Variants in PCDHGB2 observed in about 807,000 individuals in gnomAD.
PCDHGB2 encodes the protein protocadherin gamma-B2.
Under a neutral mutation model 59.3 loss-of-function variants are expected in PCDHGB2, and 55 were observed. The observed-to-expected ratio is 0.93, with a 90% confidence interval of 0.75 to 1.16. PCDHGB2 has a LOEUF of 1.16. Among genes scored for constraint, PCDHGB2 ranks in the 50% most tolerant of loss-of-function variants. The pLI is 0.00. For missense variants in PCDHGB2, 1,228 were observed against 1,198.5 expected (o/e 1.02, Z -0.36); for synonymous variants, 516 against 512.0 (o/e 1.01, Z -0.11).
At chr5:141,395,224 C>G (rs1442627118) in intron 1 of PCDHGB2, 1 of 1,610,586 alleles carries the variant, frequency 6.2e-7, no homozygotes, top group Admixed American at 1.7e-5. Context: ...AAGAATGAAG[C>G]TGATCATGGT....
chr5:141,419,354 C>G (rs1444462815), intron 1 of PCDHGB2: 1 of 1,613,828 alleles, frequency 6.2e-7, no homozygotes, highest in Admixed American at 1.7e-5. Flanking sequence ...CCTGGAGTCA[C>G]GAACGCTGTC....
At chr5:141,389,988 C>T (rs1348283803) in intron 1 of PCDHGB2, 7 of 1,613,918 alleles carry the variant, frequency 4.3e-6, no homozygotes, top group Non-Finnish European at 5.9e-6. Context: ...AGTGCTCTTC[C>T]TCGTGGCCAT....
chr5:141,404,350 C>T (rs757103755), intron 1 of PCDHGB2: 1 of 1,613,894 alleles, frequency 6.2e-7, no homozygotes, highest in Non-Finnish European at 8.5e-7. Flanking sequence ...AAAACAACGC[C>T]AGAGGTACTT....
At chr5:141,499,779 C>T (rs1450026011) in intron 2 of PCDHGB2, among the ~76,000 whole-genome samples, 3 of 151,452 alleles carry the variant, frequency 2.0e-5, no homozygotes, top group Non-Finnish European at 4.4e-5. Flanking sequence ...CTTCGCCTCC[C>T]GGGTTCAAGC....
chr5:141,510,633 TACCA>T (rs2099882032), intron 3 of PCDHGB2, among the ~76,000 whole-genome samples: 1 of 152,110 alleles, frequency 6.6e-6, no homozygotes, highest in Admixed American at 6.6e-5. Flanking sequence ...AAGAGGTGGT[TACCA>T]TTATCATCCC....
chr5:141,399,546 G>T, intron 1 of PCDHGB2: 1 of 1,614,032 alleles, frequency 6.2e-7, no homozygotes. Flanking sequence ...TCTGCGCCTC[G>T]GACCTGGACT....
chr5:141,381,798 C>CTCTTTCTT (rs372235829), intron 1 of PCDHGB2, among the ~76,000 whole-genome samples: 5 of 144,132 alleles, frequency 3.5e-5, no homozygotes, highest in African/African-American at 8.0e-5. Context: ...AGGCAATTCC[C>CTCTTTCTT]TCTTTCTTTC....
intron 1 of PCDHGB2, chr5:141,374,501 G>T (rs746410507): frequency 8.1e-6 from 13 of 1,611,510 alleles, no homozygotes; most frequent in Non-Finnish European, 1.0e-5. Context: ...AGAATTGGAA[G>T]TGAAAATTCT....
intron 1 of PCDHGB2, among the ~76,000 whole-genome samples, chr5:141,386,310 A>G (rs891781671): frequency 6.6e-6 from 1 of 152,216 alleles, no homozygotes; most frequent in African/African-American, 2.4e-5. Flanking sequence ...AGCTCAGTAT[A>G]TCAAGTGATT....
chr5:141,410,737 C>A, intron 1 of PCDHGB2: 1 of 1,295,554 alleles, frequency 7.7e-7, no homozygotes, highest in East Asian at 2.5e-5. Context: ...TAGCTTTTTA[C>A]AATATTTTCT....
intron 1 of PCDHGB2, among the ~76,000 whole-genome samples, chr5:141,448,422 T>C (rs1561930551): frequency 3.9e-5 from 6 of 152,150 alleles, no homozygotes; most frequent in Admixed American, 3.3e-4. Flanking sequence ...CAATATACTA[T>C]GTATATATTG....
At chr5:141,423,967 A>C (rs760284844) in intron 1 of PCDHGB2, 11 of 1,153,498 alleles carry the variant, frequency 9.5e-6, no homozygotes, top group Non-Finnish European at 1.2e-5. Flanking sequence ...TTTTTCTATT[A>C]TCAGTGTATG....
chr5:141,362,675 T>C (rs1187670127), intron 1 of PCDHGB2, 119 bp downstream of exon 1: 1 of 1,249,402 alleles, frequency 8.0e-7, no homozygotes, highest in Admixed American at 2.8e-5. Context: ...TGTGCCTTAA[T>C]TGTCTTAATC....
chr5:141,393,446 C>A (rs572838831), intron 1 of PCDHGB2: 1 of 1,614,038 alleles, frequency 6.2e-7, no homozygotes, highest in East Asian at 2.2e-5. Flanking sequence ...ACCACCTGGT[C>A]CTCACGGCCT....
At chr5:141,404,623 C>T in intron 1 of PCDHGB2, 3 of 1,614,154 alleles carry the variant, frequency 1.9e-6, no homozygotes, top group Non-Finnish European at 2.5e-6. Context: ...ACCAGAATGA[C>T]AATGCCCCAG....
chr5:141,382,992 T>G, intron 1 of PCDHGB2: 2 of 1,613,578 alleles, frequency 1.2e-6, no homozygotes, highest in Non-Finnish European at 1.7e-6. Context: ...CAGGACGTAT[T>G]CTCTACTCCG....
At chr5:141,413,081 C>CAG in intron 1 of PCDHGB2, 1 of 1,339,426 alleles carries the variant, frequency 7.5e-7, no homozygotes, top group South Asian at 1.5e-5. Flanking sequence ...GCCCAGGCTA[C>CAG]AGAGACACCC....
intron 1 of PCDHGB2, chr5:141,384,303 G>A (rs1199465212): frequency 1.2e-6 from 2 of 1,613,716 alleles, no homozygotes; most frequent in East Asian, 4.5e-5. Context: ...ACCCCAGAGG[G>A]GCCTCCATTT....
At chr5:141,425,289 A>C (rs17208404) in intron 1 of PCDHGB2, among the ~76,000 whole-genome samples, 26,691 of 152,172 alleles carry the variant, frequency 0.18, 2,539 homozygotes, top group Admixed American at 0.28. Flanking sequence ...CATATTATAA[A>C]ACCTCATCTA....
Sources: allele counts gnomAD v4.1 joint callset (sites outside exome capture counted in the v4.1 genomes callset), GRCh38; gene constraint gnomAD v4.1.1; transcripts MANE v1.5; gene names NCBI Gene and HGNC (gene_info 2026-07-23, HGNC 2026-07-21).